The following ADISSP variants were observed in gnomAD, a reference collection of about 807,000 sequenced individuals.
The protein encoded by ADISSP is adipose-secreted signaling protein.
At chr20:3,756,068 C>G in the ADISSP span, among the ~76,000 whole-genome samples, 9 of 152,280 alleles carry the variant, frequency 5.9e-5, no homozygotes, top group East Asian at 1.4e-3. Flanking sequence ...TGCCAGTATC[C>G]CAGGGTCAGG....
At chr20:3,757,900 GCCAGACCTCC>G in the ADISSP span, among the ~76,000 whole-genome samples, 1 of 151,974 alleles carries the variant, frequency 6.6e-6, no homozygotes, top group Non-Finnish European at 1.5e-5. Context: ...ATCTCAATGG[GCCAGACCTCC>G]CCCGACCCAA....
At chr20:3,760,029 A>C in the ADISSP span, 6 of 1,610,370 alleles carry the variant, frequency 3.7e-6, no homozygotes, top group Non-Finnish European at 5.1e-6. Flanking sequence ...CCCTCCTACC[A>C]GGGCCCACCG....
At chr20:3,763,246 ACT>A in the ADISSP span, among the ~76,000 whole-genome samples, 26,228 of 119,200 alleles carry the variant, frequency 0.22, 3,163 homozygotes, top group African/African-American at 0.28. Context: ...ACAGAGCGAG[ACT>A]CTGTCTCAAA....
chr20:3,754,045 G>A, the ADISSP span: 1,044 of 1,595,442 alleles, frequency 6.5e-4, 1 homozygote, highest in Middle Eastern at 1.2e-3. Flanking sequence ...CGGGGCAGGC[G>A]GGGCCTCGGG....
the ADISSP span, among the ~76,000 whole-genome samples, chr20:3,756,580 C>T: frequency 5.8e-4 from 88 of 152,330 alleles, no homozygotes; most frequent in Non-Finnish European, 9.8e-4. Context: ...TTTAGCCATT[C>T]AATGGGACCA....
the ADISSP span, among the ~76,000 whole-genome samples, chr20:3,764,311 A>C: frequency 6.6e-6 from 1 of 152,180 alleles, no homozygotes; most frequent in Non-Finnish European, 1.5e-5. Context: ...TGCTTCCTGA[A>C]GGCTCTGGTT....
At chr20:3,755,404 G>C in the ADISSP span, 4 of 1,517,000 alleles carry the variant, frequency 2.6e-6, no homozygotes, top group East Asian at 9.1e-5. Context: ...CTAGTTGGAA[G>C]TAAGGGAGCA....
chr20:3,753,653 C>T, the ADISSP span: 1 of 261,232 alleles, frequency 3.8e-6, no homozygotes, highest in Non-Finnish European at 7.6e-6. Context: ...TAGGGAGGGG[C>T]AGGAGAGGTG....
chr20:3,763,557 CAA>C, the ADISSP span, among the ~76,000 whole-genome samples: 10 of 117,474 alleles, frequency 8.5e-5, no homozygotes, highest in Admixed American at 1.8e-4. Flanking sequence ...AACTCCGTCT[CAA>C]AAAAAAAAAA....
chr20:3,754,590 G>T, the ADISSP span: 7 of 1,526,954 alleles, frequency 4.6e-6, no homozygotes, highest in Middle Eastern at 1.7e-4. Context: ...GCACTCACGG[G>T]CCCCTACCCA....
At chr20:3,764,686 C>T in the ADISSP span, among the ~76,000 whole-genome samples, 1 of 152,224 alleles carries the variant, frequency 6.6e-6, no homozygotes, top group East Asian at 1.9e-4. Flanking sequence ...CGGCACTCAG[C>T]GCAGCACCAG....
chr20:3,759,109 G>A, the ADISSP span, among the ~76,000 whole-genome samples: 2 of 152,178 alleles, frequency 1.3e-5, no homozygotes, highest in African/African-American at 4.8e-5. The surrounding 1 kb of genome is among the most constrained non-coding windows in gnomAD (Gnocchi z 4.6). Context: ...AGTGCATGAG[G>A]CCCCTGCCTG....
chr20:3,766,607 C>CT, the ADISSP span, among the ~76,000 whole-genome samples: 2 of 152,204 alleles, frequency 1.3e-5, no homozygotes, highest in African/African-American at 4.8e-5. Context: ...AGGCCCTGCC[C>CT]TGGGCCTGTG....
chr20:3,766,195 C>G, the ADISSP span, among the ~76,000 whole-genome samples: 1 of 152,194 alleles, frequency 6.6e-6, no homozygotes, highest in Non-Finnish European at 1.5e-5. Flanking sequence ...CCCATTAAAG[C>G]TCACGCCTGT....
the ADISSP span, among the ~76,000 whole-genome samples, chr20:3,761,856 T>C: frequency 2.0e-5 from 3 of 152,184 alleles, no homozygotes; most frequent in African/African-American, 7.2e-5. Context: ...AACTTCTCAT[T>C]TGCTAAAAAC....
At chr20:3,754,631 C>T in the ADISSP span, 1 of 1,139,872 alleles carries the variant, frequency 8.8e-7, no homozygotes, top group Non-Finnish European at 1.3e-6. Flanking sequence ...GCTAAGCCCC[C>T]CCAAGAAAGG....
At chr20:3,759,675 T>A in the ADISSP span, among the ~76,000 whole-genome samples, 25 of 152,184 alleles carry the variant, frequency 1.6e-4, no homozygotes, top group Non-Finnish European at 3.2e-4. The surrounding 1 kb of genome is among the most constrained non-coding windows in gnomAD (Gnocchi z 4.6). Flanking sequence ...CAGATCACCC[T>A]GGCCTAAAAC....
At chr20:3,766,507 CCCAACAAGTG>C in the ADISSP span, among the ~76,000 whole-genome samples, 1 of 152,218 alleles carries the variant, frequency 6.6e-6, no homozygotes, top group South Asian at 2.1e-4. Flanking sequence ...TTCCTGCCTC[CCCAACAAGTG>C]CTGCCCTCCT....
At chr20:3,760,847 G>A in the ADISSP span, among the ~76,000 whole-genome samples, 1 of 152,220 alleles carries the variant, frequency 6.6e-6, no homozygotes, top group African/African-American at 2.4e-5. Flanking sequence ...GGCAGTGAGA[G>A]GCGCCCCAGG....
Sources: allele counts gnomAD v4.1 joint callset (sites outside exome capture counted in the v4.1 genomes callset), GRCh38; gene constraint gnomAD v4.1.1; non-coding constraint Gnocchi (gnomAD v3.1); transcripts MANE v1.5; gene names NCBI Gene and HGNC (gene_info 2026-07-23, HGNC 2026-07-21).